CRCP: variants seen among roughly 807,000 people sequenced by gnomAD.
CRCP encodes CGRP receptor component.
Under a neutral mutation model 18.5 loss-of-function variants are expected in CRCP, and 18 were observed. That is an observed-to-expected ratio of 0.97 (90% confidence interval 0.67 to 1.44). The LOEUF is 1.44. Among genes scored for constraint, CRCP ranks in the 40% most tolerant of loss-of-function variants. CRCP has a pLI of 0.00. For missense variants in CRCP, 130 were observed against 176.4 expected (o/e 0.74, Z 1.49); for synonymous variants, 53 against 62.9 (o/e 0.84, Z 0.75).
At chr7:66,127,927 A>T (rs981850191) in intron 2 of CRCP, among the ~76,000 whole-genome samples, 187 bp downstream of exon 2, 1 of 152,102 alleles carries the variant, frequency 6.6e-6, no homozygotes. Flanking sequence ...CCTGGCCAAC[A>T]TGGTGAAACC....
intron 4 of CRCP, among the ~76,000 whole-genome samples, chr7:66,140,640 C>G (rs1410631517): frequency 6.6e-6 from 1 of 152,182 alleles, no homozygotes; most frequent in Non-Finnish European, 1.5e-5. Context: ...GATTCGCCGC[C>G]TCAGCCTCCC....
chr7:66,117,799 C>T (rs1239184569), intron 1 of CRCP, among the ~76,000 whole-genome samples: 1 of 152,126 alleles, frequency 6.6e-6, no homozygotes, highest in African/African-American at 2.4e-5. Flanking sequence ...TAAAACCTCA[C>T]CTACTCCCCA....
intron 1 of CRCP, 142 bp downstream of exon 1, chr7:66,115,112 C>A: frequency 8.1e-7 from 1 of 1,230,860 alleles, no homozygotes; most frequent in Non-Finnish European, 1.1e-6. Context: ...GGGAGGGCCG[C>A]GGGGTGGTGA....
chr7:66,138,876 C>CTT lies in CRCP; in HGVS notation c.239+4509_239+4510dup, dbSNP rs35647756. Among the ~76,000 whole-genome samples the CTT allele has an allele frequency of 6.3e-3, 952 of 150,800 alleles. 14 individuals are homozygous for CTT. The highest frequency in any genetic ancestry group is 0.01 in the Middle Eastern group (3 of 294). ...ATAATTTGATAATGATATATTTCAG[C>CTT]TTTTTTTTCCCCAGTTTATTTTTGC... On this transcript the variant is annotated intron_variant, in intron 4 of 5. Coordinates refer to ENST00000395326, the MANE Select transcript of CRCP (RefSeq NM_014478.5).
At chr7:66,135,313 C>T (rs1291658071) in intron 4 of CRCP, among the ~76,000 whole-genome samples, 11 of 152,170 alleles carry the variant, frequency 7.2e-5, no homozygotes, top group Admixed American at 6.5e-4. Context: ...AGTAATTCTT[C>T]TCTAATTATT....
intron 1 of CRCP, among the ~76,000 whole-genome samples, chr7:66,115,635 T>G (rs1355544025): frequency 6.6e-6 from 1 of 152,172 alleles, no homozygotes; most frequent in East Asian, 1.9e-4. Context: ...CTGGTGCAAA[T>G]GGAAGATTTT....
rs753482078 is a variant in CRCP at position 66,152,237 on chromosome 7, G to A, written c.327G>A (p.Thr109=). Residue 109 remains threonine (T), a synonymous_variant, in exon 6 of 6, where the codon ACG becomes ACA. Coordinates refer to ENST00000395326, the MANE Select transcript of CRCP (RefSeq NM_014478.5). ...TGGAAGAGAGTGAAGAGCGGCTCAC[G>A]GAGGAGCAGATTGAAGCTCTTCTCC... ...LMVEESEERL[T]EEQIEALLHT... is the part of the protein sequence containing the mutation. The A allele has an allele frequency of 2.5e-5, 40 of 1,613,936 alleles. No homozygotes were observed. Among genetic ancestry groups the A allele is most frequent in the African/African-American group, 2.4e-4 (18 of 74,888 alleles).
chr7:66,130,013 ACT>A (rs1340199566), intron 2 of CRCP: 4 of 258,172 alleles, frequency 1.5e-5, no homozygotes, highest in Non-Finnish European at 1.5e-5. Context: ...TGGGGGGTAA[ACT>A]CTGTCTTATC....
chr7:66,130,027 C>T lies in CRCP; in HGVS notation c.46-717C>T, dbSNP rs537140704. The T allele has an allele frequency of 5.0e-4, 137 of 271,430 alleles. 1 individual carries two copies. Among genetic ancestry groups the T allele is most frequent in the South Asian group, 4.3e-3 (134 of 31,372 alleles). 16.8% of individuals were successfully genotyped at this position (271,430 alleles called of 1,614,324 possible). A position where few individuals can be genotyped will look rare whatever the true frequency, so the allele number is the denominator to read the frequency against. On this transcript the variant is annotated intron_variant, in intron 2 of 5. Coordinates refer to ENST00000395326, the MANE Select transcript of CRCP (RefSeq NM_014478.5). ...TTGGGGGGTAAACTCTGTCTTATCA[C>T]TTGCCTCAAAATTTTTCTTTTCCAG...
At chr7:66,122,374 C>CAA (rs939428601) in intron 1 of CRCP, among the ~76,000 whole-genome samples, 3,032 of 57,752 alleles carry the variant, frequency 0.053, 111 homozygotes, top group Middle Eastern at 0.11. Flanking sequence ...GACTCCGTCT[C>CAA]AAAAAAAAAA....
intron 4 of CRCP, among the ~76,000 whole-genome samples, chr7:66,141,332 T>C (rs1788131166): frequency 6.6e-6 from 1 of 152,184 alleles, no homozygotes; most frequent in African/African-American, 2.4e-5. Context: ...TTTCTATTTT[T>C]TCATAGTCAT....
At position 66,152,625 on chromosome 7, in the gene CRCP, C is replaced by G; in HGVS notation, c.*268C>G. 2.5e-6 allele frequency: 1 copy of G among 407,318 alleles called. No homozygotes were observed. The highest frequency in any genetic ancestry group is 4.6e-6 in the Non-Finnish European group (1 of 219,300). 25.2% of individuals were successfully genotyped at this position (407,318 alleles called of 1,614,324 possible). ...CCCCTCTGTGCTTGAAAGATTTCCT[C>G]CACGGCCTTTGCCCCAGTTGTGGGG... On this transcript the variant is annotated 3_prime_UTR_variant, in exon 6 of 6. Coordinates refer to ENST00000395326, the MANE Select transcript of CRCP (RefSeq NM_014478.5).
chr7:66,116,488 T>TAA (rs34037462), intron 1 of CRCP, among the ~76,000 whole-genome samples: 89 of 135,134 alleles, frequency 6.6e-4, no homozygotes, highest in Non-Finnish European at 1.2e-3. Flanking sequence ...GGCTCTGTCT[T>TAA]AAAAAAAAAA....
chr7:66,129,829 G>A (rs758278258), intron 2 of CRCP, among the ~76,000 whole-genome samples: 38 of 152,022 alleles, frequency 2.5e-4, no homozygotes, highest in Non-Finnish European at 7.4e-5. Context: ...GAGAGGGGTC[G>A]TATTGTATCT....
chr7:66,116,616 C>G (rs1190127863), intron 1 of CRCP, among the ~76,000 whole-genome samples: 1 of 152,058 alleles, frequency 6.6e-6, no homozygotes, highest in Non-Finnish European at 1.5e-5. Context: ...CTAATTTTTC[C>G]CTCTTTACTA....
intron 1 of CRCP, among the ~76,000 whole-genome samples, chr7:66,117,529 T>C (rs933341493): frequency 6.6e-6 from 1 of 152,176 alleles, no homozygotes; most frequent in African/African-American, 2.4e-5. Context: ...GTCCTGTTGT[T>C]TCCACCCTAG....
intron 5 of CRCP, among the ~76,000 whole-genome samples, chr7:66,148,638 C>G (rs1322017067): frequency 1.3e-5 from 2 of 152,116 alleles, no homozygotes; most frequent in African/African-American, 4.8e-5. Context: ...ATGAGGTGGC[C>G]ACCCAGCTTA....
intron 4 of CRCP, among the ~76,000 whole-genome samples, chr7:66,138,698 A>C (rs893873158): frequency 1.0e-4 from 15 of 149,742 alleles, no homozygotes; most frequent in Non-Finnish European, 2.2e-4. Context: ...GGAGGCTGAG[A>C]TAGGAGAATG....
At chr7:66,139,844 C>T (rs893464231) in intron 4 of CRCP, among the ~76,000 whole-genome samples, 2 of 152,148 alleles carry the variant, frequency 1.3e-5, no homozygotes, top group Non-Finnish European at 2.9e-5. Context: ...GATTGATACT[C>T]AAATTTGGAG....
Sources: gnomAD v4.1 joint callset for allele counts (sites outside exome capture counted in the v4.1 genomes callset) on GRCh38, gnomAD v4.1.1 for gene constraint, MANE v1.5 for transcripts, NCBI Gene and HGNC (gene_info 2026-07-23, HGNC 2026-07-21) for gene names.